STARD3NL: variants seen among roughly 807,000 people sequenced by gnomAD.
STARD3NL encodes STARD3 N-terminal like.
Under a neutral mutation model 30.9 loss-of-function variants are expected in STARD3NL, and 17 were observed. The observed-to-expected ratio is 0.55, with a 90% CI of 0.38 to 0.82. The LOEUF (loss-of-function observed/expected upper bound fraction) is 0.82, where lower values mean the gene tolerates loss of function less well. Ranked by LOEUF, STARD3NL falls within the 40% of genes least tolerant of loss-of-function variation. STARD3NL has a pLI of 0.00. For synonymous variants in STARD3NL, 112 were observed against 100.5 expected, an observed-to-expected ratio of 1.11 and a Z score of -0.69; for missense variants, 234 against 277.6, an observed-to-expected ratio of 0.84 and a Z score of 1.12.
intron 7 of STARD3NL, among the ~76,000 whole-genome samples, chr7:38,220,588 G>A (rs1324620187): frequency 6.6e-6 from 1 of 152,206 alleles, no homozygotes; most frequent in Non-Finnish European, 1.5e-5. Flanking sequence ...TGGTGTTTCC[G>A]TAAAAGATTA....
intron 1 of STARD3NL, chr7:38,198,431 T>G (rs1164554519): frequency 6.6e-6 from 1 of 152,182 alleles, no homozygotes; most frequent in Non-Finnish European, 1.5e-5. Context: ...GAAATCTGGG[T>G]AAAAAATAAT....
chr7:38,202,350 A>G lies in STARD3NL; in HGVS notation c.-58-5097A>G, dbSNP rs193159506. ...AGAGACACATTACCTAATGTTGCCTATATTGGCAGAAAAGAAAGGGAAAGG... is the reference window on the plus strand; with the variant it reads ...AGAGACACATTACCTAATGTTGCCTGTATTGGCAGAAAAGAAAGGGAAAGG... On this transcript the variant is annotated intron_variant, in intron 1 of 8. Coordinates refer to ENST00000009041, the MANE Select transcript of STARD3NL (RefSeq NM_032016.4). Among the ~76,000 whole-genome samples, 453 of 152,352 alleles carry G rather than the reference A, an allele frequency of 3.0e-3. 3 individuals are homozygous for G. The highest frequency in any genetic ancestry group is 0.014 in the Middle Eastern group (4 of 294).
At chr7:38,190,833 C>T (rs1204430607) in intron 1 of STARD3NL, among the ~76,000 whole-genome samples, 3 of 152,140 alleles carry the variant, frequency 2.0e-5, no homozygotes, top group Admixed American at 6.5e-5. Flanking sequence ...CCAGGATAGT[C>T]GCCTTTAGAA....
intron 1 of STARD3NL, among the ~76,000 whole-genome samples, chr7:38,197,065 C>G (rs1276185002): frequency 1.3e-5 from 2 of 152,176 alleles, no homozygotes; most frequent in African/African-American, 4.8e-5. Flanking sequence ...ACACATGCAT[C>G]AGCTCCCTAA....
intron 1 of STARD3NL, among the ~76,000 whole-genome samples, chr7:38,201,324 C>T (rs548692130): frequency 3.3e-4 from 50 of 152,206 alleles, no homozygotes; most frequent in African/African-American, 1.1e-3. Flanking sequence ...TTTCCCAAGC[C>T]ATGTATTTCC....
chr7:38,180,002 G>A (rs2115864935), intron 1 of STARD3NL, among the ~76,000 whole-genome samples: 1 of 152,354 alleles, frequency 6.6e-6, no homozygotes, highest in South Asian at 2.1e-4. Context: ...GAGGTGAGGA[G>A]ACAGTGGTCA....
At chr7:38,181,282 C>T (rs1189214717) in intron 1 of STARD3NL, among the ~76,000 whole-genome samples, 1 of 152,178 alleles carries the variant, frequency 6.6e-6, no homozygotes, top group Non-Finnish European at 1.5e-5. Flanking sequence ...ATATTGCCTA[C>T]AGTTTGCTAA....
At chr7:38,227,457 G>A (rs930513137) in intron 7 of STARD3NL, among the ~76,000 whole-genome samples, 5 of 152,106 alleles carry the variant, frequency 3.3e-5, no homozygotes, top group Admixed American at 1.3e-4. Flanking sequence ...AGGTTAAAAC[G>A]TTTTCTTCAG....
chr7:38,225,944 A>G (rs968708319), intron 7 of STARD3NL, among the ~76,000 whole-genome samples: 8 of 152,174 alleles, frequency 5.3e-5, no homozygotes, highest in African/African-American at 1.7e-4. Flanking sequence ...TTCTCAGCCA[A>G]TTTGAGAAAT....
chr7:38,214,956 G>T, intron 3 of STARD3NL, 72 bp from the exon 4 acceptor site: 2 of 1,349,462 alleles, frequency 1.5e-6, no homozygotes, highest in Admixed American at 1.9e-5. Context: ...AGACAGTCTG[G>T]TGAGTTTTTC....
At position 38,197,304 on chromosome 7, in the gene STARD3NL, C is replaced by A. The variant is rs563847184; in HGVS notation, c.-58-10143C>A. 3.3e-5 allele frequency among the ~76,000 whole-genome samples: 5 copies of A among 151,632 alleles called. No homozygotes were observed. The East Asian group carries it at 9.7e-4, about 29-fold the overall frequency. ...GCAGTGGCGTAATCTTAGCTCACTG[C>A]AGGCTGGAACTTCTGGGCTCAGGTG... On this transcript the variant is annotated intron_variant, in intron 1 of 8. Transcript: ENST00000009041.
chr7:38,202,743 G>A (rs1325988995), intron 1 of STARD3NL, among the ~76,000 whole-genome samples: 1 of 120,250 alleles, frequency 8.3e-6, no homozygotes, highest in African/African-American at 3.3e-5. Context: ...CCCACAACAG[G>A]CCCTGGTGTG....
At chr7:38,179,970 C>G (rs1409684350) in intron 1 of STARD3NL, among the ~76,000 whole-genome samples, 2 of 152,146 alleles carry the variant, frequency 1.3e-5, no homozygotes, top group Non-Finnish European at 2.9e-5. Flanking sequence ...GTGGCTGGAG[C>G]TGAGTGAACC....
chr7:38,183,642 G>A (rs1784335011), intron 1 of STARD3NL, among the ~76,000 whole-genome samples: 1 of 152,178 alleles, frequency 6.6e-6, no homozygotes. Flanking sequence ...GTTAATTTGG[G>A]AGAGTTGGGA....
At chr7:38,213,923 T>C (rs1261590556) in intron 2 of STARD3NL, among the ~76,000 whole-genome samples, 2 of 152,228 alleles carry the variant, frequency 1.3e-5, no homozygotes, top group African/African-American at 4.8e-5. Flanking sequence ...CTAATGGCCA[T>C]CATTGACGTT....
intron 1 of STARD3NL, among the ~76,000 whole-genome samples, chr7:38,199,962 C>T (rs1188434868): frequency 2.0e-5 from 3 of 152,184 alleles, no homozygotes; most frequent in Non-Finnish European, 4.4e-5. Context: ...CCTGCAGCCA[C>T]GGGCTTTGCT....
At chr7:38,188,768 A>T (rs1312955929) in intron 1 of STARD3NL, among the ~76,000 whole-genome samples, 1 of 152,192 alleles carries the variant, frequency 6.6e-6, no homozygotes, top group African/African-American at 2.4e-5. Context: ...TTAAATCTTA[A>T]TATTTATCTC....
intron 1 of STARD3NL, among the ~76,000 whole-genome samples, chr7:38,192,524 C>T (rs1281563669): frequency 6.6e-6 from 1 of 152,058 alleles, no homozygotes; most frequent in African/African-American, 2.4e-5. Flanking sequence ...AAAATGCAAG[C>T]AGAGGTTTGT....
rs11398652 is a variant in STARD3NL at position 38,191,910 on chromosome 7, T to TAA, written c.-59+13499_-59+13500dup. Among the ~76,000 whole-genome samples, 311 of 149,178 alleles carry TAA rather than the reference T, an allele frequency of 2.1e-3. 2 individuals carry two copies. Among genetic ancestry groups the TAA allele is most frequent in the Middle Eastern group, 0.01 (3 of 290 alleles). On this transcript the variant is annotated intron_variant, in intron 1 of 8. Coordinates refer to ENST00000009041, the MANE Select transcript of STARD3NL (RefSeq NM_032016.4). ...TTAGAATTAGCTTGTCAGTTTCTAT[T>TAA]AAAAAAAAAAGCATGGTGGGATTAT... is the stretch of plus-strand genomic sequence containing the variant.
Sources: gnomAD v4.1 joint callset for allele counts (sites outside exome capture counted in the v4.1 genomes callset) on GRCh38, gnomAD v4.1.1 for gene constraint, MANE v1.5 for transcripts, NCBI Gene and HGNC (gene_info 2026-07-23, HGNC 2026-07-21) for gene names.